ITLN2: variants seen among roughly 807,000 people sequenced by gnomAD.
The protein encoded by ITLN2 is intelectin-2.
ITLN2 carries 29 observed loss-of-function variants against 39.4 expected under a neutral mutation model. That is an observed-to-expected ratio of 0.74 (90% CI 0.55 to 1.00). The LOEUF is 1.00. ITLN2 is among the 50% of genes least tolerant of loss of function. The probability of loss-of-function intolerance (pLI) is 0.00; values close to 1 mark genes in which losing one functional copy is unlikely to be tolerated. For synonymous variants in ITLN2, 156 were observed against 153.4 expected (o/e 1.02, Z -0.12); for missense variants, 412 against 416.7 (o/e 0.99, Z 0.10).
chr1:160,950,913 G>A, intron 4 of ITLN2, 130 bp downstream of exon 4: 1 of 1,541,792 alleles, frequency 6.5e-7, no homozygotes, highest in Non-Finnish European at 8.9e-7. Context: ...TGTGATTCAA[G>A]TCCTGTATTT....
At chr1:160,949,918 C>T in intron 6 of ITLN2, 128 bp downstream of exon 6, 1 of 797,960 alleles carries the variant, frequency 1.3e-6, no homozygotes, top group South Asian at 2.1e-5. Context: ...TGTTAAGTTC[C>T]AAGACAAGAG....
At chr1:160,948,796 T>C (rs1671665712) in intron 6 of ITLN2, 2 of 152,142 alleles carry the variant, frequency 1.3e-5, no homozygotes, top group African/African-American at 4.8e-5. Flanking sequence ...CCAGCTAATG[T>C]TTTGTATGCA....
rs1671566813 is a variant in ITLN2 at position 160,945,027 on chromosome 1, G to A, written c.*113C>T. The A allele has an allele frequency of 2.3e-6, 2 of 855,502 alleles. No homozygotes were observed. The highest frequency in any genetic ancestry group is 3.5e-6 in the Non-Finnish European group (2 of 574,386). 53.0% of individuals were successfully genotyped at this position (855,502 alleles called of 1,614,324 possible). On this transcript the variant is annotated 3_prime_UTR_variant, in exon 8 of 8. Transcript: ENST00000368029. ...AAAGAATTCAAAGAAACATAGAGTTGCAAATTGATGTGATTTAGTCTCCTC... is the reference window on the plus strand; with the variant it reads ...AAAGAATTCAAAGAAACATAGAGTTACAAATTGATGTGATTTAGTCTCCTC...
rs530761488 is a variant in ITLN2, at chr1:160,952,802, G to A, written c.80-69C>T. ...AGGCCATCTTTCCTGGCCAATCTCTGCCCCTGTATCAACTCATCACTCTGC... is the reference window on the plus strand; with the variant it reads ...AGGCCATCTTTCCTGGCCAATCTCTACCCCTGTATCAACTCATCACTCTGC... On this transcript the variant is annotated intron_variant, in intron 2 of 7. Transcript: ENST00000368029. 16 of 1,132,874 alleles carry A rather than the reference G, an allele frequency of 1.4e-5. No homozygotes were observed. In the South Asian group the frequency reaches 1.5e-4, roughly 11 times the overall value. The allele number at this position is 1,132,874 out of a possible 1,614,324, so 70.2% of individuals were successfully genotyped here. A position where few individuals can be genotyped will look rare whatever the true frequency, so the allele number is the denominator to read the frequency against.
chr1:160,951,393 A>T, intron 3 of ITLN2, 103 bp from the exon 4 acceptor site: 1 of 1,425,374 alleles, frequency 7.0e-7, no homozygotes, highest in Non-Finnish European at 9.5e-7. Context: ...CACTCAGAAG[A>T]CTCCAACACA....
At chr1:160,945,521 A>T (rs1671581596) in intron 7 of ITLN2, among the ~76,000 whole-genome samples, 1 of 152,200 alleles carries the variant, frequency 6.6e-6, no homozygotes, top group African/African-American at 2.4e-5. Context: ...TCTGAGGAGC[A>T]CAGAGCCAGT....
chr1:160,952,647 T>A lies in ITLN2; in HGVS notation c.166A>T (p.Ile56Phe). The A allele has an allele frequency of 1.2e-6, 2 of 1,614,134 alleles. No homozygotes were observed. Among genetic ancestry groups the A allele is most frequent in the East Asian group, 4.5e-5 (2 of 44,892 alleles). The change falls in exon 3 of 8, where the codon ATC becomes TTC. Residue 56 changes from isoleucine to phenylalanine, a missense_variant. Physicochemically the swap from Ile to Phe is conservative, Grantham distance 21 (BLOSUM62 0). Coordinates refer to ENST00000368029, the MANE Select transcript of ITLN2 (RefSeq NM_080878.3). ...FSSLPRSCKE[I>F]KERCHSAGDG... is the part of the protein sequence containing the mutation. Reference sequence around the variant, plus strand: ...CCTGCACTATGGCAGCGTTCCTTGATTTCTTTGCAGCTTCTAGGCAGGGAA... The same window carrying A: ...CCTGCACTATGGCAGCGTTCCTTGAATTCTTTGCAGCTTCTAGGCAGGGAA...
At chr1:160,954,626 G>T in intron 1 of ITLN2, 101 bp downstream of exon 1, 1 of 1,423,624 alleles carries the variant, frequency 7.0e-7, no homozygotes, top group South Asian at 1.2e-5. Context: ...AAATACCCAA[G>T]GGGCCATGGG....
intron 6 of ITLN2, 40 bp downstream of exon 6, chr1:160,950,006 A>C: frequency 6.3e-7 from 1 of 1,586,506 alleles, no homozygotes; most frequent in Non-Finnish European, 8.6e-7. Context: ...CAAGAGTACA[A>C]GAAAATATTT....
Position 160,951,103 on chromosome 1 carries a change from G to A in ITLN2, c.381C>T (p.Gly127=). The A allele has an allele frequency of 6.2e-7, 1 of 1,614,178 alleles. No homozygotes were observed. The highest frequency in any genetic ancestry group is 1.1e-5 in the South Asian group (1 of 91,088). Reference sequence around the variant, plus strand: ...CAAAGGTGTTGTAGTTGGCCCAGTTGCCATCCCCCTCTGGGTAGTCTGCTT... The same window carrying A: ...CAAAGGTGTTGTAGTTGGCCCAGTTACCATCCCCCTCTGGGTAGTCTGCTT... ...GNKADYPEGD[G]NWANYNTFGS... is the part of the protein sequence containing the mutation. Residue 127 remains glycine (G), a synonymous_variant, in exon 4 of 8, where the codon GGC becomes GGT. Coordinates refer to ENST00000368029, the MANE Select transcript of ITLN2 (RefSeq NM_080878.3).
At chr1:160,951,451 A>G in intron 3 of ITLN2, 161 bp from the exon 4 acceptor site, 1 of 872,672 alleles carries the variant, frequency 1.1e-6, no homozygotes, top group Non-Finnish European at 1.7e-6. Flanking sequence ...CTGCTCACCT[A>G]TGAGCAGAGG....
At chr1:160,948,910 A>T (rs1040984273) in intron 6 of ITLN2, 1 of 152,228 alleles carries the variant, frequency 6.6e-6, no homozygotes, top group Non-Finnish European at 1.5e-5. Flanking sequence ...ACACAGCGAC[A>T]AAGTATAGAG....
rs769218903 is a variant in ITLN2 at position 160,948,052 on chromosome 1, G to T, written c.722-20C>A. The T allele has an allele frequency of 6.5e-5, 103 of 1,591,672 alleles. No homozygotes were observed. The Middle Eastern group carries it at 8.3e-4, about 13-fold the overall frequency. On this transcript the variant is annotated intron_variant, in intron 6 of 7. Transcript: ENST00000368029. ...ATTCCCCTGAAAAAGAAGAGGTGAA[G>T]AAACAGCCAAGTAGTCAAAGGATGA... is the stretch of plus-strand genomic sequence containing the variant.
At chr1:160,954,663 TA>T (rs1671822986) in intron 1 of ITLN2, 63 bp downstream of exon 1, 2 of 1,592,474 alleles carry the variant, frequency 1.3e-6, no homozygotes, top group South Asian at 2.2e-5. Flanking sequence ...TCTAAATCTC[TA>T]AAACTGAGAC....
chr1:160,945,396 C>T (rs1446979784), intron 7 of ITLN2, 104 bp from the exon 8 acceptor site: 2 of 1,072,572 alleles, frequency 1.9e-6, no homozygotes, highest in South Asian at 1.8e-5. Context: ...ATCCGCCTGC[C>T]TCGGCCTCCC....
chr1:160,953,057 A>G (rs1671781412), intron 2 of ITLN2, among the ~76,000 whole-genome samples: 2 of 152,328 alleles, frequency 1.3e-5, no homozygotes, highest in Middle Eastern at 6.8e-3. Context: ...GGGCAAACCC[A>G]CTAACGGGGG....
intron 2 of ITLN2, among the ~76,000 whole-genome samples, 197 bp downstream of exon 2, chr1:160,954,190 A>G (rs1358407026): frequency 2.6e-5 from 4 of 152,112 alleles, no homozygotes; most frequent in Non-Finnish European, 5.9e-5. Context: ...ACTGCTTCAG[A>G]CCAGACCCCA....
intron 7 of ITLN2, among the ~76,000 whole-genome samples, chr1:160,947,335 T>G (rs1671628854): frequency 6.6e-6 from 1 of 152,192 alleles, no homozygotes; most frequent in Admixed American, 6.5e-5. Context: ...TTCTCCTATC[T>G]CAGAATAGAA....
At position 160,954,750 on chromosome 1, in the gene ITLN2, A is replaced by G. The variant is rs764829312; in HGVS notation, c.-9T>C. 10 of 1,613,896 alleles carry G rather than the reference A, an allele frequency of 6.2e-6. No individual in the cohort carries two copies. Among genetic ancestry groups the G allele is most frequent in the Non-Finnish European group, 2.5e-6 (3 of 1,179,960 alleles). ...ACCAGCATGGACAGCATCCTTACAG[A>G]TGCCAGGAGCTGATAGTTCCCTTCC... On this transcript the variant is annotated 5_prime_UTR_variant, in exon 1 of 8. Transcript: ENST00000368029.
Sources: allele counts gnomAD v4.1 joint callset (sites outside exome capture counted in the v4.1 genomes callset), GRCh38; gene constraint gnomAD v4.1.1; transcripts MANE v1.5; gene names NCBI Gene and HGNC (gene_info 2026-07-23, HGNC 2026-07-21).